The following MACF1 variants were observed in gnomAD, a reference collection of about 807,000 sequenced individuals.
The protein encoded by MACF1 is microtubule actin crosslinking factor 1, also known as microtubule-actin cross-linking factor 1.
MACF1 carries 193 observed loss-of-function variants against 854.8 expected under a neutral mutation model. That is an observed-to-expected ratio of 0.23 (90% CI 0.20 to 0.25). The LOEUF (loss-of-function observed/expected upper bound fraction) is 0.25, where lower values mean the gene tolerates loss of function less well. Ranked by LOEUF, MACF1 falls within the 10% of genes least tolerant of loss-of-function variation. MACF1 has a pLI of 1.00. For synonymous variants in MACF1, 3,185 were observed against 3,226.7 expected (o/e 0.99, Z 0.44); for missense variants, 7,722 against 8,929.1 (o/e 0.86, Z 5.45).
chr1:39,259,431 T>A (rs567617124), intron 6 of MACF1, among the ~76,000 whole-genome samples: 12 of 152,046 alleles, frequency 7.9e-5, no homozygotes, highest in African/African-American at 2.9e-4. Flanking sequence ...CTGGCTAATT[T>A]ATATGTTTTT....
intron 1 of MACF1, among the ~76,000 whole-genome samples, chr1:39,208,698 C>T (rs960398357): frequency 1.3e-5 from 2 of 152,106 alleles, no homozygotes; most frequent in African/African-American, 2.4e-5. Context: ...AATCTCAGCT[C>T]ACTGCAACCC....
intron 44 of MACF1, among the ~76,000 whole-genome samples, chr1:39,355,640 A>G (rs1271075336): frequency 1.3e-5 from 2 of 151,334 alleles, no homozygotes; most frequent in Non-Finnish European, 2.9e-5. Context: ...TAATTTTTGT[A>G]TTCTTAGTAG....
rs964810410 is a variant in MACF1, at chr1:39,335,637, C to G, written c.9049C>G (p.Pro3017Ala). ...GCATGACTCCCATATAAAGAGCCAA[C>G]CTAGGGAAATGACCTCAAGTGAAAA... ...DEHDSHIKSQPREMTSSEKGK... is the reference protein window; with the variant it reads ...DEHDSHIKSQAREMTSSEKGK... Residue 3017 changes from proline to alanine, a missense_variant, in exon 37 of 101, where the codon CCT (proline) becomes GCT (alanine). Transcript: ENST00000564288. 2.5e-6 allele frequency: 4 copies of G among 1,613,930 alleles called. No homozygotes were observed. The African/African-American group carries it at 5.3e-5, about 22-fold the overall frequency.
chr1:39,259,588 A>G (rs1223662018), intron 6 of MACF1, among the ~76,000 whole-genome samples: 4 of 151,494 alleles, frequency 2.6e-5, no homozygotes. Context: ...TAGAGAAAAC[A>G]TTTTCTTTTC....
rs1156241611 is a variant in MACF1, at chr1:39,084,913, G to T, written c.220+475G>T. ...TGCTGCTGAGAACATGGTTAAGAAT[G>T]ATTTGACTTCTGTTATTTCCTTATA... On this transcript the variant is annotated intron_variant, in intron 2 of 93. Transcript: ENST00000361689. The surrounding 1 kb of genome is among the most constrained non-coding windows in gnomAD (Gnocchi z 5.2). 3.5e-4 allele frequency among the ~76,000 whole-genome samples: 54 copies of T among 152,138 alleles called. No homozygotes were observed. Among genetic ancestry groups the T allele is most frequent in the African/African-American group, 2.4e-5 (1 of 41,430 alleles).
At chr1:39,389,350 T>TG (rs1451590839) in intron 58 of MACF1, among the ~76,000 whole-genome samples, 110 of 131,888 alleles carry the variant, frequency 8.3e-4, no homozygotes, top group African/African-American at 3.4e-3. Flanking sequence ...GGTTTTTGTG[T>TG]GTTTTTTTTT....
chr1:39,242,890 C>T (rs1318123259), intron 2 of MACF1, among the ~76,000 whole-genome samples: 1 of 152,136 alleles, frequency 6.6e-6, no homozygotes, highest in South Asian at 2.1e-4. Flanking sequence ...CCCCCGCAAC[C>T]CCTGTCTCTA....
At chr1:39,267,271 G>A (rs1571238753) in intron 6 of MACF1, among the ~76,000 whole-genome samples, 1 of 152,098 alleles carries the variant, frequency 6.6e-6, no homozygotes, top group South Asian at 2.1e-4. Context: ...TTGTTCTGTT[G>A]GCCAGGCTGG....
chr1:39,163,237 G>C (rs959553436), intron 2 of MACF1, among the ~76,000 whole-genome samples: 3 of 150,076 alleles, frequency 2.0e-5, no homozygotes, highest in African/African-American at 7.3e-5. Context: ...TGTAGTCCCA[G>C]CTCCTCAGGA....
chr1:39,422,551 G>A lies in MACF1; in HGVS notation c.15978+16G>A, dbSNP rs745755851. On this transcript the variant is annotated intron_variant, in intron 59 of 100. Transcript: ENST00000564288. ...GAATAAAAAGGTGAGTGACAATGGG[G>A]TAGCAAGTGTACTGGAAACGGAAGG... 2 of 1,598,348 alleles carry A rather than the reference G, an allele frequency of 1.3e-6. No homozygotes were observed. The highest frequency in any genetic ancestry group is 1.7e-5 in the Admixed American group (1 of 58,678).
In MACF1 at chr1:39,381,997, A is replaced by C. The variant is rs140489965; in HGVS notation, c.13693A>C (p.Arg4565=). 8 of 1,614,104 alleles carry C rather than the reference A, an allele frequency of 5.0e-6. No individual in the cohort carries two copies. Among genetic ancestry groups the C allele is most frequent in the Non-Finnish European group, 6.8e-6 (8 of 1,180,016 alleles). ...CACTGAGGTTACTGTGGCTCGGCAA[A>C]GGCAGCTAGAGGAATCTGCAAGTCA... ...RATEVTVARQ[R]QLEESASHLA... is the part of the protein sequence containing the mutation. Residue 4565 remains arginine, a synonymous_variant, in exon 56 of 101, where the codon AGG becomes CGG. Coordinates refer to ENST00000564288, the MANE Select transcript of MACF1 (RefSeq NM_001394062.1).
At chr1:39,397,842 C>A (rs1419813748) in intron 58 of MACF1, among the ~76,000 whole-genome samples, 1 of 152,044 alleles carries the variant, frequency 6.6e-6, no homozygotes, top group Non-Finnish European at 1.5e-5. Flanking sequence ...CAGAGACCAT[C>A]TATAGTAAGG....
Position 39,336,004 on chromosome 1 carries a change from C to A in MACF1, c.9416C>A (p.Thr3139Asn). Reference sequence around the variant, plus strand: ...AAAACAGACAAGTCTTTCCAAGGAACCACCAGACAGGAGACCAACTATCAA... The same window carrying A: ...AAAACAGACAAGTCTTTCCAAGGAAACACCAGACAGGAGACCAACTATCAA... Reference protein sequence around the residue: ...ISKTDKSFQGTTRQETNYQDS... With the variant: ...ISKTDKSFQGNTRQETNYQDS... Residue 3139 changes from threonine (T) to asparagine (N), a missense_variant, in exon 37 of 101, where the codon ACC (threonine) becomes AAC (asparagine). This residue lies in a region of MACF1 where 854 missense variants were observed against 852.6 expected (regional missense o/e 1.00). Coordinates refer to ENST00000564288, the MANE Select transcript of MACF1 (RefSeq NM_001394062.1). 1 of 1,614,136 alleles carries A rather than the reference C, an allele frequency of 6.2e-7. No individual in the cohort carries two copies. The highest frequency in any genetic ancestry group is 1.1e-5 in the South Asian group (1 of 91,076).
At position 39,343,327 on chromosome 1, in the gene MACF1, A is replaced by G. The variant is rs540388189; in HGVS notation, c.10581+2374A>G. On this transcript the variant is annotated intron_variant, in intron 40 of 100. Coordinates refer to ENST00000564288, the MANE Select transcript of MACF1 (RefSeq NM_001394062.1). ...TTCCCCAATCTTAAGAGAAGCAGAC[A>G]TAAAAGTTTGTCCATGATCAACCTT... Among the ~76,000 whole-genome samples, 73 of 152,342 alleles carry G rather than the reference A, an allele frequency of 4.8e-4. No individual in the cohort carries two copies. In the South Asian group the frequency reaches 0.014, roughly 29 times the overall value.
At chr1:39,390,663 G>C (rs148221738) in intron 58 of MACF1, among the ~76,000 whole-genome samples, 1 of 152,108 alleles carries the variant, frequency 6.6e-6, no homozygotes, top group South Asian at 2.1e-4. Flanking sequence ...TTCCTCTTTT[G>C]TTATAAGTGT....
At chr1:39,157,767 T>C (rs1571113126) in intron 2 of MACF1, among the ~76,000 whole-genome samples, 1 of 152,224 alleles carries the variant, frequency 6.6e-6, no homozygotes, top group African/African-American at 2.4e-5. Context: ...AGTGCAGTGG[T>C]GTGATCTTGG....
chr1:39,393,196 A>ATATAT (rs1553345252), intron 58 of MACF1, among the ~76,000 whole-genome samples: 1,333 of 66,336 alleles, frequency 0.02, 12 homozygotes, highest in Middle Eastern at 0.039. Context: ...AAAAAAAAAA[A>ATATAT]ATATATATAT....
At chr1:39,429,728 G>A (rs1181725432) in intron 64 of MACF1, 99 bp from the exon 65 acceptor site, 3 of 1,133,330 alleles carry the variant, frequency 2.6e-6, no homozygotes, top group African/African-American at 3.1e-5. Context: ...GAGAGAGAGA[G>A]CGTCTATGAA....
chr1:39,094,574 C>T (rs747791596), intron 2 of MACF1, among the ~76,000 whole-genome samples: 26 of 152,028 alleles, frequency 1.7e-4, no homozygotes, highest in Non-Finnish European at 2.8e-4. Flanking sequence ...CAAAATTAGC[C>T]GGGCGTGGTG....
Sources: gnomAD v4.1 joint callset for allele counts (sites outside exome capture counted in the v4.1 genomes callset) on GRCh38, gnomAD v4.1.1 for gene constraint, gnomAD v4.1.1 regional missense constraint, Gnocchi (gnomAD v3.1) non-coding constraint, MANE v1.5 for transcripts, NCBI Gene and HGNC (gene_info 2026-07-23, HGNC 2026-07-21) for gene names.